Variants in NRXN3 observed in about 807,000 individuals in gnomAD.
NRXN3 encodes neurexin 3.
In NRXN3, 32 loss-of-function variants were observed where a neutral mutation model predicts 137.6. The ratio of observed to expected loss-of-function variants is 0.23; its 90% CI spans 0.18 to 0.31. The LOEUF is 0.31. Ranked by LOEUF, NRXN3 falls within the 10% of genes least tolerant of loss-of-function variation. The pLI is 1.00. For synonymous variants in NRXN3, 798 were observed against 784.5 expected (o/e 1.02, Z -0.29); for missense variants, 1,574 against 2,062.5 (o/e 0.76, Z 4.59).
chr14:78,879,110 C>T (rs1015278517), intron 10 of NRXN3, among the ~76,000 whole-genome samples: 1 of 152,060 alleles, frequency 6.6e-6, no homozygotes, highest in African/African-American at 2.4e-5. Flanking sequence ...ATTTATGTGT[C>T]GATGAACACT....
rs2097096554 is a variant in NRXN3, at chr14:78,589,438, T to C, written c.758-55682T>C. 2.0e-5 allele frequency among the ~76,000 whole-genome samples: 3 copies of C among 152,208 alleles called. 1 individual carries two copies. The highest frequency in any genetic ancestry group is 2.0e-4 in the Admixed American group (3 of 15,286). On this transcript the variant is annotated intron_variant, in intron 4 of 20. Transcript: ENST00000335750. ...GGAAGGGCTAACCCGGTTCATTTCA[T>C]CTACTTGCTGCCTATGCCAATCCTA...
chr14:78,253,009 C>CTT, intron 2 of NRXN3, among the ~76,000 whole-genome samples: 1 of 152,256 alleles, frequency 6.6e-6, no homozygotes, highest in South Asian at 2.1e-4. Context: ...GGCCCTGTAT[C>CTT]TTGCATGGTT....
chr14:78,171,083 TA>T (rs1213472601), intron 1 of NRXN3, among the ~76,000 whole-genome samples: 4 of 152,008 alleles, frequency 2.6e-5, no homozygotes, highest in African/African-American at 9.7e-5. Flanking sequence ...CCCCCTCATT[TA>T]TTCATTTATT....
chr14:79,196,521 T>A (rs1201579708), intron 15 of NRXN3, among the ~76,000 whole-genome samples: 1 of 152,174 alleles, frequency 6.6e-6, no homozygotes, highest in Non-Finnish European at 1.5e-5. Flanking sequence ...AAAGGTCCCA[T>A]TGTTCAACAC....
chr14:79,257,562 GTGGTGGTGGTGGTGGTGATGGTAATGA>G (rs2076929716), intron 15 of NRXN3, among the ~76,000 whole-genome samples: 5 of 107,648 alleles, frequency 4.6e-5, no homozygotes, highest in African/African-American at 7.9e-5. Context: ...GGTGGTGATG[GTGGTGGTGGTGGTGGTGATGGTAATGA>G]TGGTGGTGGT....
intron 15 of NRXN3, among the ~76,000 whole-genome samples, chr14:79,005,631 T>C (rs2099550801): frequency 6.6e-6 from 1 of 152,176 alleles, no homozygotes; most frequent in Non-Finnish European, 1.5e-5. Context: ...CCCATGCACC[T>C]GTGGGAAAAC....
chr14:78,910,534 AG>A (rs947217415), intron 10 of NRXN3, among the ~76,000 whole-genome samples: 14 of 152,108 alleles, frequency 9.2e-5, no homozygotes, highest in African/African-American at 3.4e-4. Flanking sequence ...TTTTCCCCCA[AG>A]ATAGTCACAG....
chr14:78,782,153 A>G (rs2098772187), intron 8 of NRXN3, among the ~76,000 whole-genome samples: 1 of 152,198 alleles, frequency 6.6e-6, no homozygotes, highest in Admixed American at 6.5e-5. Context: ...AGAGCTAGCA[A>G]TAACATTTAC....
intron 15 of NRXN3, among the ~76,000 whole-genome samples, chr14:79,351,269 T>G (rs1198758917): frequency 6.6e-6 from 1 of 152,196 alleles, no homozygotes; most frequent in Non-Finnish European, 1.5e-5. Context: ...CAGAAAGAAA[T>G]GATACTCATG....
chr14:78,268,141 A>G (rs1026636570), intron 2 of NRXN3, among the ~76,000 whole-genome samples: 1 of 152,198 alleles, frequency 6.6e-6, no homozygotes, highest in African/African-American at 2.4e-5. Context: ...ATCTAAAAAC[A>G]TATATCCCCT....
intron 10 of NRXN3, among the ~76,000 whole-genome samples, chr14:78,938,906 G>T (rs998077533): frequency 6.8e-6 from 1 of 147,232 alleles, no homozygotes; most frequent in Non-Finnish European, 1.5e-5. Context: ...GTGCAGTGGC[G>T]CAATCTCGGC....
chr14:78,844,259 C>G (rs900380119), intron 10 of NRXN3, among the ~76,000 whole-genome samples: 3 of 152,088 alleles, frequency 2.0e-5, no homozygotes, highest in African/African-American at 7.2e-5. Flanking sequence ...TTAGAACATG[C>G]GTGGCTAACC....
At chr14:78,386,697 T>C (rs1305080331) in intron 4 of NRXN3, among the ~76,000 whole-genome samples, 1 of 152,220 alleles carries the variant, frequency 6.6e-6, no homozygotes, top group Non-Finnish European at 1.5e-5. Context: ...AGAACTTGAA[T>C]CCTGGACTTC....
At chr14:78,636,134 T>C (rs981088414) in intron 4 of NRXN3, among the ~76,000 whole-genome samples, 6 of 152,210 alleles carry the variant, frequency 3.9e-5, no homozygotes, top group African/African-American at 7.2e-5. Flanking sequence ...GATTGTGTAA[T>C]AGACATAAGA....
At chr14:79,379,145 T>C (rs756788799) in intron 15 of NRXN3, among the ~76,000 whole-genome samples, 3 of 152,116 alleles carry the variant, frequency 2.0e-5, no homozygotes, top group Non-Finnish European at 4.4e-5. Flanking sequence ...AATTTTTTTG[T>C]TTTTTGTTTT....
At chr14:78,505,559 C>T (rs1360166942) in intron 4 of NRXN3, among the ~76,000 whole-genome samples, 1 of 152,018 alleles carries the variant, frequency 6.6e-6, no homozygotes, top group Admixed American at 6.6e-5. Flanking sequence ...TCTAAAAATG[C>T]TAGATGAGCA....
intron 4 of NRXN3, among the ~76,000 whole-genome samples, chr14:78,540,045 A>G (rs996598064): frequency 2.6e-5 from 4 of 152,174 alleles, no homozygotes; most frequent in Admixed American, 2.6e-4. Context: ...TCAATTTTGG[A>G]ATAAGCGCGA....
intron 4 of NRXN3, among the ~76,000 whole-genome samples, chr14:78,311,720 T>G (rs1165642539): frequency 6.6e-6 from 1 of 151,090 alleles, no homozygotes; most frequent in Non-Finnish European, 1.5e-5. Context: ...CTTAGGTTTT[T>G]GATAGATGTG....
At chr14:78,453,639 C>T (rs2094603827) in intron 4 of NRXN3, among the ~76,000 whole-genome samples, 1 of 152,204 alleles carries the variant, frequency 6.6e-6, no homozygotes, top group East Asian at 1.9e-4. Flanking sequence ...GAAATTCTAA[C>T]TCCCAGAACT....
Sources: allele counts gnomAD v4.1 joint callset (sites outside exome capture counted in the v4.1 genomes callset), GRCh38; gene constraint gnomAD v4.1.1; transcripts MANE v1.5; gene names NCBI Gene and HGNC (gene_info 2026-07-23, HGNC 2026-07-21).